The following F5 variants were observed in gnomAD, a reference collection of about 807,000 sequenced individuals.
The protein encoded by F5 is activated protein c cofactor.
A neutral mutation model predicts 216.4 loss-of-function variants in F5; 138 were observed. The ratio of observed to expected loss-of-function variants is 0.64; its 90% CI spans 0.56 to 0.73. The LOEUF (loss-of-function observed/expected upper bound fraction) is 0.73. F5 is among the 30% of genes least tolerant of loss of function. The probability of loss-of-function intolerance (pLI) is 0.00; values close to 1 mark genes in which losing one functional copy is unlikely to be tolerated. For synonymous variants in F5, 916 were observed against 930.7 expected (o/e 0.98, Z 0.29); for missense variants, 2,403 against 2,674.0 (o/e 0.90, Z 2.24).
chr1:169,558,818 G>A (rs1452566107), intron 5 of F5, among the ~76,000 whole-genome samples: 1 of 152,056 alleles, frequency 6.6e-6, no homozygotes, highest in Non-Finnish European at 1.5e-5. Flanking sequence ...CTTCCTGCTA[G>A]GGCTTGTCCT....
chr1:169,548,045 A>G (rs773433255), intron 10 of F5, among the ~76,000 whole-genome samples: 28 of 152,232 alleles, frequency 1.8e-4, no homozygotes, highest in Non-Finnish European at 3.2e-4. Context: ...TTGCAGGGAC[A>G]TGGATGGAGC....
chr1:169,574,973 T>G (rs1284029998), intron 2 of F5, among the ~76,000 whole-genome samples: 1 of 152,182 alleles, frequency 6.6e-6, no homozygotes, highest in Non-Finnish European at 1.5e-5. Context: ...AGTCAAACAT[T>G]TTTATAGTTC....
chr1:169,574,759 A>C (rs970625484), intron 2 of F5, among the ~76,000 whole-genome samples: 1 of 152,184 alleles, frequency 6.6e-6, no homozygotes, highest in Non-Finnish European at 1.5e-5. Flanking sequence ...ATCATGATTT[A>C]AAGTTTAATA....
intron 17 of F5, among the ~76,000 whole-genome samples, chr1:169,527,640 G>T (rs1407432059): frequency 4.6e-5 from 7 of 152,112 alleles, no homozygotes; most frequent in Admixed American, 4.6e-4. Flanking sequence ...TCATCTGTAT[G>T]ACACACAGTG....
intron 6 of F5, among the ~76,000 whole-genome samples, chr1:169,556,431 A>AAAAAAAAAAAAAC (rs1660330358): frequency 1.3e-5 from 2 of 148,540 alleles, no homozygotes; most frequent in African/African-American, 2.5e-5. Flanking sequence ...TAATTAAAAA[A>AAAAAAAAAAAAAC]AAAAAAAAAA....
chr1:169,559,128 T>G (rs1315654015), intron 5 of F5, 25 bp downstream of exon 5: 4 of 1,613,276 alleles, frequency 2.5e-6, no homozygotes, highest in Non-Finnish European at 3.4e-6. Context: ...TACTGTTGTT[T>G]AATGGTACAC....
At chr1:169,517,658 G>C (rs1469914744) in intron 23 of F5, among the ~76,000 whole-genome samples, 1 of 152,118 alleles carries the variant, frequency 6.6e-6, no homozygotes, top group Non-Finnish European at 1.5e-5. Context: ...TAAATCACCT[G>C]AATTACTCAG....
In F5 at chr1:169,544,319, A is replaced by G; in HGVS notation, c.1952T>C (p.Val651Ala). Reference protein sequence around the residue: ...LTLFPMRGESVTVTMDNVGTW... With the variant: ...LTLFPMRGESATVTMDNVGTW... ...ACCAACATTATCCATTGTGACCGTC[A>G]CAGATTCTCCACGCATGGGGAAGAG... is the stretch of plus-strand genomic sequence containing the variant. Residue 651 changes from valine (V) to alanine (A), a missense_variant, in exon 12 of 25, where the codon GTG becomes GCG. Coordinates refer to ENST00000367797, the MANE Select transcript of F5 (RefSeq NM_000130.5). The G allele has an allele frequency of 6.2e-7, 1 of 1,614,042 alleles. No homozygotes were observed. Among genetic ancestry groups the G allele is most frequent in the Non-Finnish European group, 8.5e-7 (1 of 1,179,958 alleles).
chr1:169,559,005 T>TTAA, intron 5 of F5, 148 bp downstream of exon 5: 1 of 711,220 alleles, frequency 1.4e-6, no homozygotes, highest in Non-Finnish European at 2.3e-6. Context: ...ATTTCCTGTT[T>TTAA]AAAAAAAAAA....
intron 13 of F5, among the ~76,000 whole-genome samples, chr1:169,538,795 TG>T (rs1407560767): frequency 2.6e-5 from 4 of 152,028 alleles, no homozygotes; most frequent in African/African-American, 9.7e-5. Flanking sequence ...AGGGCTATGG[TG>T]GGAGGAAGGC....
Position 169,523,257 on chromosome 1 carries a change from A to G in F5, c.5988T>C (p.Ala1996=), listed in dbSNP as rs1418396710. Residue 1996 remains alanine, a synonymous_variant, in exon 21 of 25, where the codon GCT becomes GCC. Coordinates refer to ENST00000367797, the MANE Select transcript of F5 (RefSeq NM_000130.5). ...KSCYTTEFYV[A]YSSNQINWQI... Reference sequence around the variant, plus strand: ...GCCAGTTGATCTGGTTGGAACTGTAAGCTACATAGAACTCTGTGGTATAGC... The same window carrying G: ...GCCAGTTGATCTGGTTGGAACTGTAGGCTACATAGAACTCTGTGGTATAGC... 1 of 1,614,050 alleles carries G rather than the reference A, an allele frequency of 6.2e-7. No homozygotes were observed. Among genetic ancestry groups the G allele is most frequent in the Non-Finnish European group, 8.5e-7 (1 of 1,179,978 alleles).
chr1:169,515,851 T>G, intron 23 of F5: 1 of 542,918 alleles, frequency 1.8e-6, no homozygotes, highest in Non-Finnish European at 3.3e-6. Flanking sequence ...ATTGTTTCCT[T>G]CTTAGCATTC....
Position 169,543,430 on chromosome 1 carries a change from A to G in F5, c.1976-316T>C, listed in dbSNP as rs77666597. ...ACAAAAGTGTTGCTTAGTGGAGATT[A>G]GAGGGGAAAAAAGGTCTTTCAGCAC... On this transcript the variant is annotated intron_variant, in intron 12 of 24. Transcript: ENST00000367797. Among the ~76,000 whole-genome samples the G allele has an allele frequency of 3.4e-3, 521 of 151,470 alleles. 2 individuals carry two copies. The highest frequency in any genetic ancestry group is 0.011 in the African/African-American group (477 of 41,550).
rs1360635181 is a variant in F5, at chr1:169,541,480, G to A, written c.3610C>T (p.Leu1204Phe). 6.2e-7 allele frequency: 1 copy of A among 1,613,988 alleles called. No homozygotes were observed. Among genetic ancestry groups the A allele is most frequent in the Non-Finnish European group, 8.5e-7 (1 of 1,180,002 alleles). Residue 1204 changes from leucine to phenylalanine, a missense_variant, in exon 13 of 25, where the codon CTC (leucine) becomes TTC (phenylalanine). Around this residue, in one of 4 missense-constraint regions of F5, gnomAD observed 1,425 missense variants for 1,554.8 expected, o/e 0.92. Transcript: ENST00000367797. ...GTCGTGTGGCTGAGGTCTGGAGAGA[G>A]GTTTGTCTGGCTGAGTTCTGGAGAG... The part of the protein sequence containing the change: ...TLSPELSQTN[L>F]SPDLSHTTLS...
At chr1:169,563,534 C>A (rs1660528771) in intron 3 of F5, among the ~76,000 whole-genome samples, 1 of 152,052 alleles carries the variant, frequency 6.6e-6, no homozygotes, top group Admixed American at 6.6e-5. Flanking sequence ...TTTCACTTTG[C>A]AGTTTCTATT....
chr1:169,515,534 A>G lies in F5; in HGVS notation c.6438T>C (p.Ser2146=). The change falls in exon 24 of 25, where the codon TCT becomes TCC. Residue 2146 remains serine (S), a synonymous_variant. Coordinates refer to ENST00000367797, the MANE Select transcript of F5 (RefSeq NM_000130.5). ...IITQGCKSLS[S]EMYVKSYTIH... ...TGGTATAGCTCTTTACATACATTTC[A>G]GAGGACAGAGACTTGCAGCCCTGTG... is the stretch of plus-strand genomic sequence containing the variant. The G allele has an allele frequency of 6.2e-7, 1 of 1,613,632 alleles. No homozygotes were observed.
At chr1:169,561,359 C>T (rs1388809735) in intron 3 of F5, among the ~76,000 whole-genome samples, 1 of 152,048 alleles carries the variant, frequency 6.6e-6, no homozygotes, top group African/African-American at 2.4e-5. Flanking sequence ...GTGTCCATCC[C>T]CTGAAACTTA....
intron 3 of F5, among the ~76,000 whole-genome samples, chr1:169,571,077 GA>G (rs1346683170): frequency 6.6e-6 from 1 of 152,048 alleles, no homozygotes; most frequent in Non-Finnish European, 1.5e-5. Context: ...TGAAAAGTCT[GA>G]AATTATTTTA....
At position 169,541,764 on chromosome 1, in the gene F5, C is replaced by A. The variant is rs757100581; in HGVS notation, c.3326G>T (p.Gly1109Val). ...AAGACCTGGAGGACAGCTTGCCTGA[C>A]CAGTGTCATTTGAGGAATTCTGATT... The part of the protein sequence containing the change: ...DHNQNSSNDT[G>V]QASCPPGLYQ... Residue 1109 changes from glycine (G) to valine (V), a missense_variant, in exon 13 of 25, where the codon GGT (glycine) becomes GTT (valine). Gly to Val is a moderately radical substitution (Grantham distance 109). This residue lies in a region of F5 where 1,425 missense variants were observed against 1,554.8 expected (regional missense o/e 0.92). Coordinates refer to ENST00000367797, the MANE Select transcript of F5 (RefSeq NM_000130.5). The A allele has an allele frequency of 6.2e-7, 1 of 1,613,976 alleles. No homozygotes were observed. The highest frequency in any genetic ancestry group is 1.7e-5 in the Admixed American group (1 of 59,998).
Sources: allele counts gnomAD v4.1 joint callset (sites outside exome capture counted in the v4.1 genomes callset), GRCh38; gene constraint gnomAD v4.1.1; regional missense constraint gnomAD v4.1.1; transcripts MANE v1.5; gene names NCBI Gene and HGNC (gene_info 2026-07-23, HGNC 2026-07-21).